HCN1: variants seen among roughly 807,000 people sequenced by gnomAD.
The protein encoded by HCN1 is hyperpolarization activated cyclic nucleotide gated potassium channel 1.
Under a neutral mutation model 78.9 loss-of-function variants are expected in HCN1, and 13 were observed. The observed-to-expected ratio is 0.16, with a 90% CI of 0.11 to 0.26. The LOEUF (loss-of-function observed/expected upper bound fraction) is 0.26. HCN1 is among the 10% of genes least tolerant of loss of function. HCN1 has a pLI of 1.00. For missense variants in HCN1, 810 were observed against 1,154.3 expected, an observed-to-expected ratio of 0.70 and a Z score of 4.32; for synonymous variants, 552 against 455.5, an observed-to-expected ratio of 1.21 and a Z score of -2.70.
intron 5 of HCN1, among the ~76,000 whole-genome samples, chr5:45,314,689 C>A (rs981862722): frequency 6.6e-6 from 1 of 151,996 alleles, no homozygotes; most frequent in Non-Finnish European, 1.5e-5. Flanking sequence ...TGCAGAGACA[C>A]ACAGGCTCAA....
intron 6 of HCN1, among the ~76,000 whole-genome samples, chr5:45,277,670 T>C (rs1259012103): frequency 6.6e-6 from 1 of 152,158 alleles, no homozygotes; most frequent in Non-Finnish European, 1.5e-5. Flanking sequence ...ATTGGAAAGC[T>C]TTTCTCATGT....
At position 45,437,764 on chromosome 5, in the gene HCN1, A is replaced by C. The variant is rs190985419; in HGVS notation, c.1011+24082T>G. 6.6e-5 allele frequency among the ~76,000 whole-genome samples: 10 copies of C among 152,350 alleles called. No homozygotes were observed. In the East Asian group the frequency reaches 1.9e-3, roughly 29 times the overall value. On this transcript the variant is annotated intron_variant, in intron 3 of 7. Coordinates refer to ENST00000303230, the MANE Select transcript of HCN1 (RefSeq NM_021072.4). ...ATTGCTGTATAACAAGTTACCCTGA[A>C]ACTTAGCAGTTTAAAAGAATACTTT...
chr5:45,631,974 C>T (rs559783093), intron 2 of HCN1, among the ~76,000 whole-genome samples: 3 of 152,078 alleles, frequency 2.0e-5, no homozygotes, highest in Non-Finnish European at 4.4e-5. Flanking sequence ...TAATCTGATA[C>T]GTTTGGTCTT....
At chr5:45,521,339 CAG>C (rs1742609833) in intron 2 of HCN1, among the ~76,000 whole-genome samples, 1 of 151,866 alleles carries the variant, frequency 6.6e-6, no homozygotes. Flanking sequence ...TATGGTACCA[CAG>C]ACTAGATAGA....
chr5:45,685,492 T>C (rs1739787161), intron 1 of HCN1, among the ~76,000 whole-genome samples: 1 of 152,172 alleles, frequency 6.6e-6, no homozygotes, highest in Non-Finnish European at 1.5e-5. Context: ...GCCGGGCGGA[T>C]CACCCAAGGT....
rs1456467194 is a variant in HCN1, at chr5:45,306,093, T to G, written c.1378-2254A>C. ...ACGTGGAGTTAAAAGAAGACAGAGT[T>G]ATGTCATGAAAATAGCTAGATGAGT... On this transcript the variant is annotated intron_variant, in intron 5 of 7. Transcript: ENST00000303230. Among the ~76,000 whole-genome samples, 4 of 152,152 alleles carry G rather than the reference T, an allele frequency of 2.6e-5. No homozygotes were observed. The South Asian group carries it at 8.3e-4, about 32-fold the overall frequency.
chr5:45,517,597 AC>A (rs1742538496), intron 2 of HCN1, among the ~76,000 whole-genome samples: 1 of 148,352 alleles, frequency 6.7e-6, no homozygotes, highest in Admixed American at 6.9e-5. Context: ...TGTATTTCCC[AC>A]CCATCCTTAT....
In HCN1 at chr5:45,696,070, G is replaced by A. The variant is rs753690439; in HGVS notation, c.24C>T (p.Asn8=). 341 of 1,354,734 alleles carry A rather than the reference G, an allele frequency of 2.5e-4. No homozygotes were observed. The highest frequency in any genetic ancestry group is 3.1e-4 in the Non-Finnish European group (321 of 1,042,938). The allele number at this position is 1,354,734 out of a possible 1,614,324, so 83.9% of individuals were successfully genotyped here. MEGGGKP[N]SSSNSRDDGN... The stretch of plus-strand genomic sequence containing the variant: ...CATCGTCCCGGCTGTTAGACGAAGA[G>A]TTGGGCTTGCCGCCTCCTTCCATGC... The change falls in exon 1 of 8, where the codon AAC becomes AAT. Residue 8 remains asparagine, a synonymous_variant. Transcript: ENST00000303230.
intron 2 of HCN1, among the ~76,000 whole-genome samples, chr5:45,528,127 A>C (rs1742777057): frequency 6.6e-6 from 1 of 152,052 alleles, no homozygotes; most frequent in Non-Finnish European, 1.5e-5. Context: ...GAGTATTCTC[A>C]AACTTATTAG....
At chr5:45,488,855 A>T (rs1741823557) in intron 2 of HCN1, among the ~76,000 whole-genome samples, 1 of 152,150 alleles carries the variant, frequency 6.6e-6, no homozygotes, top group South Asian at 2.1e-4. Context: ...TTTGACCACA[A>T]TTGTGTCAAG....
intron 5 of HCN1, among the ~76,000 whole-genome samples, chr5:45,352,125 C>T (rs1419499522): frequency 6.6e-6 from 1 of 152,078 alleles, no homozygotes; most frequent in Non-Finnish European, 1.5e-5. Context: ...TGGAACCAAC[C>T]CAAATGTCCA....
intron 6 of HCN1, among the ~76,000 whole-genome samples, chr5:45,290,979 A>G (rs1445994666): frequency 6.6e-6 from 1 of 152,068 alleles, no homozygotes; most frequent in Non-Finnish European, 1.5e-5. Flanking sequence ...ATGTAGGCAT[A>G]TACTCATTGT....
Position 45,452,038 on chromosome 5 carries a change from A to C in HCN1, c.1011+9808T>G, listed in dbSNP as rs189518185. ...TTGACTTTATGATATGCTCAAGAAA[A>C]CGCTACTGGAGTATAGAGAATGGAT... is the stretch of plus-strand genomic sequence containing the variant. On this transcript the variant is annotated intron_variant, in intron 3 of 7. Transcript: ENST00000303230. Among the ~76,000 whole-genome samples, 407 of 152,108 alleles carry C rather than the reference A, an allele frequency of 2.7e-3. 2 individuals carry two copies. Among genetic ancestry groups the C allele is most frequent in the African/African-American group, 9.1e-3 (376 of 41,540 alleles).
At chr5:45,433,565 C>T (rs1022390650) in intron 3 of HCN1, among the ~76,000 whole-genome samples, 2 of 151,808 alleles carry the variant, frequency 1.3e-5, no homozygotes, top group African/African-American at 4.8e-5. Flanking sequence ...GGCATTTAGC[C>T]TATTTACATT....
intron 6 of HCN1, among the ~76,000 whole-genome samples, chr5:45,284,866 A>T (rs765119005): frequency 3.3e-5 from 5 of 152,080 alleles, no homozygotes; most frequent in Non-Finnish European, 7.4e-5. Flanking sequence ...TCTCTTTTCT[A>T]TGTGTTTCTT....
At chr5:45,483,326 G>C (rs1741692570) in intron 2 of HCN1, among the ~76,000 whole-genome samples, 1 of 152,146 alleles carries the variant, frequency 6.6e-6, no homozygotes, top group Admixed American at 6.6e-5. Flanking sequence ...ATCTCACACA[G>C]TATTCTGAGT....
chr5:45,631,715 A>G (rs1745272290), intron 2 of HCN1, among the ~76,000 whole-genome samples: 1 of 152,168 alleles, frequency 6.6e-6, no homozygotes, highest in Non-Finnish European at 1.5e-5. Flanking sequence ...TGTAGGCTCA[A>G]GTCTGTAACA....
chr5:45,339,355 A>G (rs1746528088), intron 5 of HCN1, among the ~76,000 whole-genome samples: 1 of 152,214 alleles, frequency 6.6e-6, no homozygotes, highest in Admixed American at 6.5e-5. Context: ...AATGGTAAAA[A>G]TGCTTACAGG....
chr5:45,256,228 C>G lies in HCN1; in HGVS notation c.*5693G>C, dbSNP rs1044177522. The G allele has an allele frequency of 1.3e-5, 2 of 151,960 alleles. No individual in the cohort carries two copies. Among genetic ancestry groups the G allele is most frequent in the Non-Finnish European group, 2.9e-5 (2 of 67,982 alleles). 9.4% of individuals were successfully genotyped at this position (151,960 alleles called of 1,614,324 possible). A position where few individuals can be genotyped will look rare whatever the true frequency, so the allele number is the denominator to read the frequency against. On this transcript the variant is annotated 3_prime_UTR_variant, in exon 8 of 8. Transcript: ENST00000303230. Reference sequence around the variant, plus strand: ...TCTACTAAAAATTACAAAAATTTAGCTAGCCATGGTGGCGGGCACCTGTAA... The same window carrying G: ...TCTACTAAAAATTACAAAAATTTAGGTAGCCATGGTGGCGGGCACCTGTAA...
Sources: gnomAD v4.1 joint callset for allele counts (sites outside exome capture counted in the v4.1 genomes callset) on GRCh38, gnomAD v4.1.1 for gene constraint, MANE v1.5 for transcripts, NCBI Gene and HGNC (gene_info 2026-07-23, HGNC 2026-07-21) for gene names.